The following ARHGAP19 variants were observed in gnomAD, a reference collection of about 807,000 sequenced individuals.
ARHGAP19 encodes the protein rho GTPase-activating protein 19.
A neutral mutation model predicts 60.9 loss-of-function variants in ARHGAP19; 48 were observed. The ratio of observed to expected loss-of-function variants is 0.79; its 90% CI spans 0.62 to 1.00. The LOEUF is 1.00. Among genes scored for constraint, ARHGAP19 ranks in the 50% least tolerant of loss-of-function variants. ARHGAP19 has a pLI of 0.00. For synonymous variants in ARHGAP19, 209 were observed against 215.5 expected (o/e 0.97, Z 0.27); for missense variants, 562 against 597.2 (o/e 0.94, Z 0.61).
At chr10:97,239,959 A>G (rs552315476) in intron 8 of ARHGAP19, among the ~76,000 whole-genome samples, 2 of 152,012 alleles carry the variant, frequency 1.3e-5, no homozygotes, top group African/African-American at 2.4e-5. Context: ...GGCCTGCCTC[A>G]GCCTCCTAAA....
chr10:97,230,555 T>C (rs943369657), intron 9 of ARHGAP19, among the ~76,000 whole-genome samples: 1 of 152,286 alleles, frequency 6.6e-6, no homozygotes, highest in Non-Finnish European at 1.5e-5. Context: ...AATTTTTTTT[T>C]CCCTTAGAGA....
At position 97,277,638 on chromosome 10, in the gene ARHGAP19, A is replaced by T. The variant is rs375764080; in HGVS notation, c.57-11513T>A. On this transcript the variant is annotated intron_variant, in intron 1 of 11. Transcript: ENST00000358531. ...AATAAATAAATAAATAAAAAAAATA[A>T]AATAAAGCACTGTTAATAATAGCTG... The T allele has an allele frequency of 1.1e-3, 2 of 1,770 alleles. 1 individual carries two copies. Among genetic ancestry groups the T allele is most frequent in the Non-Finnish European group, 0.5 (2 of 4 alleles). 0.1% of individuals were successfully genotyped at this position (1,770 alleles called of 1,614,324 possible).
chr10:97,262,291 T>C (rs946546144), intron 4 of ARHGAP19, among the ~76,000 whole-genome samples: 2 of 151,282 alleles, frequency 1.3e-5, no homozygotes, highest in Non-Finnish European at 2.9e-5. Flanking sequence ...GGAGAGAAGG[T>C]TTTTACTGTA....
Position 97,233,796 on chromosome 10 carries a change from A to G in ARHGAP19, c.1284+1421T>C, listed in dbSNP as rs575749804. ...GGCAGGAAAATGGCTTGAAACCAGG[A>G]GGCGGAGGCTGCAGTGAGCTGAGAT... On this transcript the variant is annotated intron_variant, in intron 9 of 11. Transcript: ENST00000358531. 3.8e-4 allele frequency among the ~76,000 whole-genome samples: 58 copies of G among 151,908 alleles called. 1 individual carries two copies. Among genetic ancestry groups the G allele is most frequent in the African/African-American group, 1.4e-3 (58 of 41,380 alleles).
intron 6 of ARHGAP19, among the ~76,000 whole-genome samples, chr10:97,249,316 C>T (rs1162979962): frequency 2.0e-5 from 3 of 152,266 alleles, no homozygotes; most frequent in East Asian, 1.9e-4. Flanking sequence ...ACCTTTGTAA[C>T]TGAAAGATCT....
intron 8 of ARHGAP19, among the ~76,000 whole-genome samples, chr10:97,238,736 T>C (rs535230018): frequency 6.6e-6 from 1 of 152,258 alleles, no homozygotes; most frequent in Non-Finnish European, 1.5e-5. Context: ...AGGTAATTAA[T>C]TATTGAAGAA....
chr10:97,290,708 C>A (rs990837611), intron 1 of ARHGAP19, among the ~76,000 whole-genome samples: 1 of 152,116 alleles, frequency 6.6e-6, no homozygotes, highest in Admixed American at 6.6e-5. Context: ...TGTAAAACTA[C>A]AAATCATTCT....
At chr10:97,237,115 AT>A (rs1842393027) in intron 8 of ARHGAP19, among the ~76,000 whole-genome samples, 1 of 151,942 alleles carries the variant, frequency 6.6e-6, no homozygotes, top group African/African-American at 2.4e-5. Context: ...AAATACAAAA[AT>A]TAGCCAGGCA....
chr10:97,226,486 T>C (rs1850897379), intron 11 of ARHGAP19, among the ~76,000 whole-genome samples: 1 of 152,198 alleles, frequency 6.6e-6, no homozygotes, highest in African/African-American at 2.4e-5. Context: ...GACTAATATA[T>C]AAGCTATTAA....
chr10:97,231,832 T>C (rs1170840031), intron 9 of ARHGAP19, among the ~76,000 whole-genome samples: 1 of 152,124 alleles, frequency 6.6e-6, no homozygotes, highest in Non-Finnish European at 1.5e-5. Flanking sequence ...GGGAGTAGCA[T>C]TGCTGGATCA....
At chr10:97,291,729 G>A (rs771327918) in intron 1 of ARHGAP19, among the ~76,000 whole-genome samples, 1 of 152,156 alleles carries the variant, frequency 6.6e-6, no homozygotes, top group African/African-American at 2.4e-5. Flanking sequence ...ACGCCAAACC[G>A]AAGTATTTTA....
intron 6 of ARHGAP19, among the ~76,000 whole-genome samples, chr10:97,254,541 G>A (rs1842728916): frequency 6.6e-6 from 1 of 151,912 alleles, no homozygotes; most frequent in Admixed American, 6.6e-5. Flanking sequence ...ACTCAAAATG[G>A]GTCAAAGACA....
intron 10 of ARHGAP19, among the ~76,000 whole-genome samples, 193 bp from the exon 11 acceptor site, chr10:97,229,418 C>T (rs755537306): frequency 1.3e-5 from 2 of 152,082 alleles, no homozygotes; most frequent in Admixed American, 1.3e-4. Context: ...TATCTTGAAC[C>T]ACCACCCCAC....
intron 5 of ARHGAP19, 106 bp from the exon 6 acceptor site, chr10:97,256,510 G>A (rs1842754571): frequency 1.3e-6 from 1 of 792,540 alleles, no homozygotes; most frequent in Admixed American, 2.2e-5. Flanking sequence ...CCCTAGCCTA[G>A]GTGCCTCTAA....
intron 11 of ARHGAP19, among the ~76,000 whole-genome samples, chr10:97,226,902 G>A (rs926337145): frequency 6.6e-6 from 1 of 152,200 alleles, no homozygotes; most frequent in African/African-American, 2.4e-5. Flanking sequence ...ATAATAAGTA[G>A]GTGCTAAATC....
At position 97,263,413 on chromosome 10, in the gene ARHGAP19, T is replaced by C; in HGVS notation, c.613+7A>G. On this transcript the variant is annotated splice_region_variant and intron_variant, in intron 4 of 11. Coordinates refer to ENST00000358531, the MANE Select transcript of ARHGAP19 (RefSeq NM_032900.6). ...ATTTACATCTCCTTCTTACTTCCTATACTCACCAGCGATTTTGAGGTGTGC... is the reference window on the plus strand; with the variant it reads ...ATTTACATCTCCTTCTTACTTCCTACACTCACCAGCGATTTTGAGGTGTGC... The C allele has an allele frequency of 6.2e-7, 1 of 1,613,762 alleles. No homozygotes were observed. Among genetic ancestry groups the C allele is most frequent in the Non-Finnish European group, 8.5e-7 (1 of 1,179,664 alleles).
chr10:97,255,317 G>A (rs530330470), intron 6 of ARHGAP19, among the ~76,000 whole-genome samples: 11 of 152,276 alleles, frequency 7.2e-5, no homozygotes, highest in South Asian at 6.2e-4. Context: ...ATTGGCACAC[G>A]CCTGTAATCC....
At chr10:97,258,363 T>C (rs1428696844) in intron 5 of ARHGAP19, among the ~76,000 whole-genome samples, 7 of 151,970 alleles carry the variant, frequency 4.6e-5, no homozygotes, top group African/African-American at 1.7e-4. Context: ...CCATCTCTAC[T>C]AAAAATACAA....
Position 97,229,153 on chromosome 10 carries a change from T to G in ARHGAP19, c.1468A>C (p.Lys490Gln). ...GAGTAAGTACAATTAGTACCTTTTT[T>G]CCCCTCTTTCTTCCCTTCAGACCAC... ...LKWSEGKKEG[K>Q]KGFL The change falls in exon 11 of 12, where the codon AAA becomes CAA. Residue 490 changes from lysine to glutamine, a missense_variant. Lys to Gln is a moderately conservative substitution (Grantham distance 53). Coordinates refer to ENST00000358531, the MANE Select transcript of ARHGAP19 (RefSeq NM_032900.6). The G allele has an allele frequency of 6.2e-7, 1 of 1,613,650 alleles. No individual in the cohort carries two copies. The highest frequency in any genetic ancestry group is 8.5e-7 in the Non-Finnish European group (1 of 1,179,548).
Sources: gnomAD v4.1 joint callset for allele counts (sites outside exome capture counted in the v4.1 genomes callset) on GRCh38, gnomAD v4.1.1 for gene constraint, MANE v1.5 for transcripts, NCBI Gene and HGNC (gene_info 2026-07-23, HGNC 2026-07-21) for gene names.